Variants in FKBP9 observed in about 807,000 individuals in gnomAD.
FKBP9 encodes FKBP prolyl isomerase 9.
In FKBP9, 27 loss-of-function variants were observed where a neutral mutation model predicts 55.6. The ratio of observed to expected loss-of-function variants is 0.49; its 90% confidence interval spans 0.36 to 0.67. The LOEUF (loss-of-function observed/expected upper bound fraction) is 0.67, where lower values mean the gene tolerates loss of function less well. Among genes scored for constraint, FKBP9 ranks in the 30% least tolerant of loss-of-function variants. FKBP9 has a pLI of 0.00. For synonymous variants in FKBP9, 267 were observed against 296.5 expected (o/e 0.90, Z 1.02); for missense variants, 539 against 742.8 (o/e 0.73, Z 3.19).
chr7:32,963,026 T>C lies in FKBP9; in HGVS notation c.221+5232T>C, dbSNP rs578210938. On this transcript the variant is annotated intron_variant, in intron 1 of 9. Transcript: ENST00000242209. Reference sequence around the variant, plus strand: ...TGCAGTGAGTGCCTTGTGAGTATTATGCATAGATACCTCTACCCGTTCCAG... The same window carrying C: ...TGCAGTGAGTGCCTTGTGAGTATTACGCATAGATACCTCTACCCGTTCCAG... 7.2e-5 allele frequency among the ~76,000 whole-genome samples: 11 copies of C among 152,336 alleles called. 1 individual carries two copies. The South Asian group carries it at 2.3e-3, about 32-fold the overall frequency.
At position 32,967,575 on chromosome 7, in the gene FKBP9, G is replaced by A. The variant is rs566925391; in HGVS notation, c.222-7042G>A. ...GTGATAGGATTTCCTTCCTTTTTAA[G>A]GCGGAATAATATTTCATTGTGTGTG... is the stretch of plus-strand genomic sequence containing the variant. On this transcript the variant is annotated intron_variant, in intron 1 of 9. Transcript: ENST00000242209. 5.9e-5 allele frequency among the ~76,000 whole-genome samples: 9 copies of A among 152,218 alleles called. No individual in the cohort carries two copies. The South Asian group carries it at 1.9e-3, about 32-fold the overall frequency.
intron 5 of FKBP9, among the ~76,000 whole-genome samples, chr7:32,981,765 C>G (rs186112349): frequency 8.8e-4 from 133 of 151,750 alleles, no homozygotes; most frequent in Non-Finnish European, 5.4e-4. Context: ...CGTGCACTGG[C>G]GGGTGCCTGT....
chr7:33,001,687 A>ATC (rs1176146279), intron 8 of FKBP9, among the ~76,000 whole-genome samples: 3 of 152,144 alleles, frequency 2.0e-5, no homozygotes, highest in African/African-American at 7.2e-5. Context: ...CCATACTTAG[A>ATC]TAACTTCTTT....
Position 32,980,738 on chromosome 7 carries a change from C to CT in FKBP9, c.893+194dup, listed in dbSNP as rs573436019. On this transcript the variant is annotated intron_variant, in intron 5 of 9. Coordinates refer to ENST00000242209, the MANE Select transcript of FKBP9 (RefSeq NM_007270.5). ...CCTTCCTTCCTTCCTTTCTTTCTTT[C>CT]TTTTTTTTTGAGACGGGGTCTCGTT... Among the ~76,000 whole-genome samples, 91 of 150,284 alleles carry CT rather than the reference C, an allele frequency of 6.1e-4. No homozygotes were observed. In the East Asian group the frequency reaches 0.012, roughly 21 times the overall value.
At chr7:32,966,068 C>T (rs1784141354) in intron 1 of FKBP9, among the ~76,000 whole-genome samples, 1 of 148,012 alleles carries the variant, frequency 6.8e-6, no homozygotes, top group Non-Finnish European at 1.5e-5. Flanking sequence ...TAGCGTGTGC[C>T]TGTAATCCCA....
chr7:33,001,178 AT>A (rs1188310271), intron 8 of FKBP9, among the ~76,000 whole-genome samples: 1 of 152,074 alleles, frequency 6.6e-6, no homozygotes, highest in Non-Finnish European at 1.5e-5. Context: ...GTGGATTGAT[AT>A]TTTTTCCCCG....
intron 5 of FKBP9, among the ~76,000 whole-genome samples, chr7:32,984,167 G>T (rs1784533893): frequency 6.6e-6 from 1 of 150,878 alleles, no homozygotes; most frequent in Non-Finnish European, 1.5e-5. Context: ...TTTCCCTCAA[G>T]CCTTTTAATG....
At chr7:32,997,724 A>G (rs1399538491) in intron 7 of FKBP9, among the ~76,000 whole-genome samples, 11 of 152,200 alleles carry the variant, frequency 7.2e-5, no homozygotes, top group African/African-American at 2.4e-4. Context: ...GCTACTCATG[A>G]GGCTGAGGCA....
intron 1 of FKBP9, among the ~76,000 whole-genome samples, chr7:32,972,718 T>TC (rs199836891): frequency 5.6e-4 from 85 of 151,404 alleles, no homozygotes; most frequent in Middle Eastern, 3.4e-3. Flanking sequence ...GTTAACCTGT[T>TC]CCCCCCCCAC....
At chr7:32,983,925 A>G (rs1291593767) in intron 5 of FKBP9, among the ~76,000 whole-genome samples, 2 of 150,166 alleles carry the variant, frequency 1.3e-5, no homozygotes, top group African/African-American at 4.9e-5. Flanking sequence ...TTTCTTGTTG[A>G]TTTGAAGAGC....
chr7:32,996,630 C>CTTCCTTCCTTCCTTCCT (rs1171456893), intron 7 of FKBP9, among the ~76,000 whole-genome samples: 7 of 146,078 alleles, frequency 4.8e-5, no homozygotes, highest in Non-Finnish European at 9.0e-5. Flanking sequence ...TCCTTCCTTC[C>CTTCCTTCCTTCCTTCCT]TTCCTTCCTT....
chr7:32,960,108 C>CTTTTTTTT (rs398004304), intron 1 of FKBP9, among the ~76,000 whole-genome samples: 8 of 98,614 alleles, frequency 8.1e-5, no homozygotes, highest in South Asian at 3.7e-4. Context: ...TTGTACTTGT[C>CTTTTTTTT]TTTTTTTTTT....
At chr7:32,989,951 A>G (rs548077708) in intron 6 of FKBP9, among the ~76,000 whole-genome samples, 8 of 152,118 alleles carry the variant, frequency 5.3e-5, no homozygotes, top group Non-Finnish European at 8.8e-5. Flanking sequence ...CTGAGTAGCT[A>G]GGACTACATG....
At position 32,980,375 on chromosome 7, in the gene FKBP9, C is replaced by G; in HGVS notation, c.715C>G (p.Pro239Ala). 6.2e-7 allele frequency: 1 copy of G among 1,611,392 alleles called. No individual in the cohort carries two copies. Among genetic ancestry groups the G allele is most frequent in the East Asian group, 2.2e-5 (1 of 44,822 alleles). Residue 239 changes from proline to alanine, a missense_variant, in exon 5 of 10, where the codon CCC (proline) becomes GCC (alanine). This residue lies in a region of FKBP9 where 29 missense variants were observed against 65.3 expected (regional missense o/e 0.44). Transcript: ENST00000242209. The stretch of plus-strand genomic sequence containing the variant: ...CCATTCCATTCTAGGGAAAGACATT[C>G]CCGGTCAGGCATCTCTGGTGTTTGA... The part of the protein sequence containing the change: ...YGEDGDGKDI[P>A]GQASLVFDVA...
intron 6 of FKBP9, chr7:32,989,115 C>G (rs1404630640): frequency 6.6e-6 from 1 of 152,340 alleles, no homozygotes; most frequent in Non-Finnish European, 1.5e-5. Flanking sequence ...TATTTGATCT[C>G]TTTTTATATT....
chr7:32,996,056 G>A (rs183199230), intron 6 of FKBP9, 107 bp from the exon 7 acceptor site: 12 of 947,906 alleles, frequency 1.3e-5, no homozygotes, highest in East Asian at 2.4e-5. Flanking sequence ...CTGGGTGCCC[G>A]TTTTCCTCAC....
At chr7:32,976,582 C>A in intron 4 of FKBP9, 83 bp downstream of exon 4, 1 of 1,519,244 alleles carries the variant, frequency 6.6e-7, no homozygotes, top group East Asian at 2.3e-5. Flanking sequence ...CCACATGAAA[C>A]CCACTAGACC....
intron 1 of FKBP9, chr7:32,963,768 T>C: frequency 1.6e-6 from 2 of 1,281,032 alleles, no homozygotes; most frequent in Non-Finnish European, 2.0e-6. Context: ...AGAAAAAGAG[T>C]GCTCCAATAA....
At chr7:32,996,752 T>C (rs1784804394) in intron 7 of FKBP9, among the ~76,000 whole-genome samples, 1 of 142,860 alleles carries the variant, frequency 7.0e-6, no homozygotes, top group Non-Finnish European at 1.5e-5. Flanking sequence ...TCTTTCTTTT[T>C]TTTTTTTTTT....
Sources: gnomAD v4.1 joint callset for allele counts (sites outside exome capture counted in the v4.1 genomes callset) on GRCh38, gnomAD v4.1.1 for gene constraint, gnomAD v4.1.1 regional missense constraint, MANE v1.5 for transcripts, NCBI Gene and HGNC (gene_info 2026-07-23, HGNC 2026-07-21) for gene names.